MACROD2: variants seen among roughly 807,000 people sequenced by gnomAD.
The protein encoded by MACROD2 is ADP-ribose glycohydrolase MACROD2.
A neutral mutation model predicts 70.4 loss-of-function variants in MACROD2; 36 were observed. That is an observed-to-expected ratio of 0.51 (90% CI 0.39 to 0.68). The LOEUF (loss-of-function observed/expected upper bound fraction) is 0.68, where lower values mean the gene tolerates loss of function less well. Among genes scored for constraint, MACROD2 ranks in the 30% least tolerant of loss-of-function variants. The probability of loss-of-function intolerance (pLI) is 0.00; values close to 1 mark genes in which losing one functional copy is unlikely to be tolerated. For missense variants in MACROD2, 496 were observed against 538.4 expected, an observed-to-expected ratio of 0.92 and a Z score of 0.78; for synonymous variants, 172 against 178.8, an observed-to-expected ratio of 0.96 and a Z score of 0.30.
chr20:14,958,258 A>G (rs1418198106), intron 5 of MACROD2, among the ~76,000 whole-genome samples: 2 of 152,234 alleles, frequency 1.3e-5, no homozygotes, highest in Non-Finnish European at 2.9e-5. Flanking sequence ...ATGACATCAG[A>G]AATGTAAGCG....
chr20:15,735,831 G>T (rs911887145), intron 8 of MACROD2, among the ~76,000 whole-genome samples: 81 of 152,266 alleles, frequency 5.3e-4, no homozygotes, highest in African/African-American at 1.8e-3. Flanking sequence ...AAGTCATTTT[G>T]ACCCTCAGAA....
chr20:15,739,872 C>T (rs2051078261), intron 8 of MACROD2, among the ~76,000 whole-genome samples: 1 of 152,178 alleles, frequency 6.6e-6, no homozygotes, highest in Non-Finnish European at 1.5e-5. Flanking sequence ...AACCTGCTGC[C>T]TTCAAGGACT....
chr20:15,294,909 T>C (rs2146114064), intron 6 of MACROD2, among the ~76,000 whole-genome samples: 1 of 152,302 alleles, frequency 6.6e-6, no homozygotes, highest in South Asian at 2.1e-4. Context: ...ATTAAAACCA[T>C]GGTGAGAAGT....
intron 5 of MACROD2, among the ~76,000 whole-genome samples, chr20:14,825,848 A>G (rs762712154): frequency 7.2e-5 from 11 of 152,170 alleles, no homozygotes; most frequent in Non-Finnish European, 1.3e-4. Flanking sequence ...AGGGCTCATT[A>G]TGGATTATAG....
At chr20:15,337,099 T>G (rs1259343295) in intron 6 of MACROD2, among the ~76,000 whole-genome samples, 1 of 151,762 alleles carries the variant, frequency 6.6e-6, no homozygotes, top group Non-Finnish European at 1.5e-5. Context: ...TTGTACCGTT[T>G]TGAAGTTAGG....
chr20:15,633,143 T>C (rs540816748), intron 8 of MACROD2, among the ~76,000 whole-genome samples: 2 of 152,364 alleles, frequency 1.3e-5, no homozygotes, highest in African/African-American at 2.4e-5. Context: ...TTGATGTTTT[T>C]TGTGGACATT....
At chr20:14,829,857 A>G (rs181349136) in intron 5 of MACROD2, among the ~76,000 whole-genome samples, 45 of 152,278 alleles carry the variant, frequency 3.0e-4, no homozygotes, top group African/African-American at 7.5e-4. Context: ...TTTGTTAAAC[A>G]TTTCAAAATG....
rs564318429 is a variant in MACROD2, at chr20:14,326,726, G to A, written c.272-166753G>A. 36 of 1,613,764 alleles carry A rather than the reference G, an allele frequency of 2.2e-5. No homozygotes were observed. The highest frequency in any genetic ancestry group is 8.3e-5 in the Admixed American group (5 of 59,952). ...TAAGAAAAAGCATTTGGGGGCACCC[G>A]ATTGATGTGGTTATCTTGAAGATAA... is the stretch of plus-strand genomic sequence containing the variant. On this transcript the variant is annotated intron_variant, in intron 3 of 17. Coordinates refer to ENST00000684519, the MANE Select transcript of MACROD2 (RefSeq NM_001351661.2). The surrounding 1 kb of genome is among the most constrained non-coding windows in gnomAD (Gnocchi z 5.5).
At chr20:15,782,327 A>G (rs1461717226) in intron 8 of MACROD2, among the ~76,000 whole-genome samples, 1 of 151,670 alleles carries the variant, frequency 6.6e-6, no homozygotes, top group African/African-American at 2.4e-5. Flanking sequence ...AATACTTACT[A>G]TTTTCTTCTA....
chr20:15,616,098 CT>C (rs34011264), intron 8 of MACROD2, among the ~76,000 whole-genome samples: 5,054 of 111,180 alleles, frequency 0.045, 160 homozygotes, highest in African/African-American at 0.17. Context: ...GTTCCCCATT[CT>C]TTTTTTTTTT....
intron 3 of MACROD2, among the ~76,000 whole-genome samples, chr20:14,457,211 A>G (rs2084314157): frequency 6.6e-6 from 1 of 152,092 alleles, no homozygotes; most frequent in Non-Finnish European, 1.5e-5. Context: ...AGAGGATTAA[A>G]GATTCATTAA....
At chr20:15,231,416 T>C (rs966310387) in intron 6 of MACROD2, among the ~76,000 whole-genome samples, 1 of 151,994 alleles carries the variant, frequency 6.6e-6, no homozygotes, top group African/African-American at 2.4e-5. Flanking sequence ...AATTAAAATT[T>C]TGTCAATATG....
intron 5 of MACROD2, among the ~76,000 whole-genome samples, chr20:15,005,748 A>G (rs1366462924): frequency 6.6e-6 from 1 of 152,134 alleles, no homozygotes; most frequent in Non-Finnish European, 1.5e-5. Flanking sequence ...AGTGGATCTC[A>G]GAATTTTTGC....
intron 7 of MACROD2, among the ~76,000 whole-genome samples, chr20:15,465,291 G>C (rs978934718): frequency 2.0e-5 from 3 of 152,118 alleles, no homozygotes; most frequent in Non-Finnish European, 2.9e-5. Context: ...ACCATGATAC[G>C]TCATAACTTT....
chr20:15,317,519 A>ATCTGTCTG (rs1433546005), intron 6 of MACROD2, among the ~76,000 whole-genome samples: 1 of 134,620 alleles, frequency 7.4e-6, no homozygotes, highest in African/African-American at 3.6e-5. Context: ...CTATCTATCT[A>ATCTGTCTG]TCTATCTGTC....
chr20:15,611,295 A>G (rs535604222), intron 8 of MACROD2, among the ~76,000 whole-genome samples: 128 of 152,278 alleles, frequency 8.4e-4, no homozygotes, highest in African/African-American at 3.0e-3. Flanking sequence ...CCCCCAAAAA[A>G]TGCCCAAAGA....
intron 12 of MACROD2, among the ~76,000 whole-genome samples, chr20:15,956,390 G>C (rs2065977374): frequency 6.6e-6 from 1 of 152,150 alleles, no homozygotes; most frequent in Admixed American, 6.5e-5. Flanking sequence ...AAGGAGAGAT[G>C]CTTTGAAAAT....
intron 3 of MACROD2, among the ~76,000 whole-genome samples, chr20:14,204,273 C>T (rs983778709): frequency 7.9e-5 from 12 of 152,264 alleles, no homozygotes; most frequent in South Asian, 2.1e-4. Context: ...TCTTGAGTAT[C>T]GGATACTGTG....
At chr20:15,701,080 C>T (rs990718516) in intron 8 of MACROD2, among the ~76,000 whole-genome samples, 2 of 152,176 alleles carry the variant, frequency 1.3e-5, no homozygotes, top group Non-Finnish European at 2.9e-5. Flanking sequence ...GTCCAGCCCA[C>T]GAATTGGCAA....
Sources: gnomAD v4.1 joint callset for allele counts (sites outside exome capture counted in the v4.1 genomes callset) on GRCh38, gnomAD v4.1.1 for gene constraint, Gnocchi (gnomAD v3.1) non-coding constraint, MANE v1.5 for transcripts, NCBI Gene and HGNC (gene_info 2026-07-23, HGNC 2026-07-21) for gene names.